The following BNC2 variants were observed in gnomAD, a reference collection of about 807,000 sequenced individuals.
BNC2 encodes the protein basonuclin zinc finger protein 2.
BNC2 carries 20 observed loss-of-function variants against 76.3 expected under a neutral mutation model. The observed-to-expected ratio is 0.26, with a 90% CI of 0.18 to 0.38. BNC2 has a LOEUF of 0.38. Among genes scored for constraint, BNC2 ranks in the 10% least tolerant of loss-of-function variants. The pLI, the probability that BNC2 is intolerant of heterozygous loss-of-function variation, is 1.00. For synonymous variants in BNC2, 582 were observed against 514.8 expected, an observed-to-expected ratio of 1.13 and a Z score of -1.77; for missense variants, 1,382 against 1,399.8, an observed-to-expected ratio of 0.99 and a Z score of 0.20.
At chr9:16,515,817 GAT>G (rs138825005) in intron 5 of BNC2, among the ~76,000 whole-genome samples, 25 of 144,290 alleles carry the variant, frequency 1.7e-4, no homozygotes, top group African/African-American at 5.4e-4. Flanking sequence ...CTAAAAAAAA[GAT>G]ATATATATAT....
chr9:16,593,467 G>A (rs1302384217), intron 3 of BNC2, among the ~76,000 whole-genome samples: 1 of 152,034 alleles, frequency 6.6e-6, no homozygotes, highest in Non-Finnish European at 1.5e-5. Context: ...GCGGGATATA[G>A]CCAATTATAT....
At chr9:16,514,767 G>A (rs962148574) in intron 5 of BNC2, among the ~76,000 whole-genome samples, 2 of 152,086 alleles carry the variant, frequency 1.3e-5, no homozygotes, top group Non-Finnish European at 2.9e-5. Context: ...TCCACGTCTC[G>A]ATGATGACAG....
chr9:16,710,522 A>G (rs911300457), intron 3 of BNC2, among the ~76,000 whole-genome samples: 6 of 152,184 alleles, frequency 3.9e-5, no homozygotes, highest in African/African-American at 7.2e-5. Flanking sequence ...CCCTTTTCAT[A>G]AAATCTTAGG....
chr9:16,651,583 G>A (rs533969570), intron 3 of BNC2, among the ~76,000 whole-genome samples: 3 of 152,178 alleles, frequency 2.0e-5, no homozygotes, highest in East Asian at 1.9e-4. Flanking sequence ...TGTTCCTCAC[G>A]TTAAATTACT....
intron 6 of BNC2, among the ~76,000 whole-genome samples, chr9:16,421,502 G>GGACTTA: frequency 6.6e-6 from 1 of 152,304 alleles, no homozygotes; most frequent in East Asian, 1.9e-4. Context: ...TTTCAGATCA[G>GGACTTA]CTGTATAATC....
At chr9:16,662,184 C>G (rs762162981) in intron 3 of BNC2, among the ~76,000 whole-genome samples, 2 of 152,148 alleles carry the variant, frequency 1.3e-5, no homozygotes, top group East Asian at 1.9e-4. Flanking sequence ...TTTGTGTACT[C>G]AGAATAGATA....
At chr9:16,795,516 A>C (rs1408776668) in intron 1 of BNC2, among the ~76,000 whole-genome samples, 2 of 152,072 alleles carry the variant, frequency 1.3e-5, no homozygotes, top group Non-Finnish European at 2.9e-5. Flanking sequence ...ACGGCCATGC[A>C]ATTATAAACC....
In BNC2 at chr9:16,676,030, G is replaced by A. The variant is rs899613431; in HGVS notation, c.330+51767C>T. Among the ~76,000 whole-genome samples, 22 of 152,138 alleles carry A rather than the reference G, an allele frequency of 1.4e-4. No individual in the cohort carries two copies. In the East Asian group the frequency reaches 2.3e-3, roughly 16 times the overall value. On this transcript the variant is annotated intron_variant, in intron 3 of 6. Transcript: ENST00000380672. ...CAGTGAGCCAAGATTTCACCACTGC[G>A]CTCCAGCCTGGGTGACAAAGCGAGA...
chr9:16,572,056 C>T (rs1311636828), intron 4 of BNC2, among the ~76,000 whole-genome samples: 1 of 151,920 alleles, frequency 6.6e-6, no homozygotes, highest in Middle Eastern at 3.2e-3. Flanking sequence ...TAGTGGAAAA[C>T]ACGATTAGCC....
intron 1 of BNC2, among the ~76,000 whole-genome samples, chr9:16,833,629 T>G (rs1311499108): frequency 6.6e-6 from 1 of 152,176 alleles, no homozygotes; most frequent in East Asian, 1.9e-4. Flanking sequence ...ATGCTGGGAA[T>G]TGCTGGTTAT....
At chr9:16,861,963 T>C (rs570218562) in intron 1 of BNC2, among the ~76,000 whole-genome samples, 55 of 150,556 alleles carry the variant, frequency 3.7e-4, no homozygotes, top group African/African-American at 1.2e-3. Flanking sequence ...GACTCCAGCC[T>C]GGGCGACAGA....
intron 3 of BNC2, among the ~76,000 whole-genome samples, chr9:16,626,796 A>C (rs1328042315): frequency 6.6e-6 from 1 of 152,118 alleles, no homozygotes; most frequent in Non-Finnish European, 1.5e-5. Context: ...CAGGGTATTG[A>C]AGTATGCAGT....
intron 5 of BNC2, among the ~76,000 whole-genome samples, chr9:16,540,047 T>G (rs1161172084): frequency 2.6e-5 from 4 of 152,030 alleles, no homozygotes; most frequent in Non-Finnish European, 5.9e-5. Context: ...CTCCCAAAGT[T>G]TTAACCAGAT....
chr9:16,656,446 G>T (rs1026778605), intron 3 of BNC2, among the ~76,000 whole-genome samples: 1 of 152,130 alleles, frequency 6.6e-6, no homozygotes, highest in South Asian at 2.1e-4. Flanking sequence ...ACAGCCTCAA[G>T]AATGTTGAAA....
At chr9:16,552,509 G>C (rs748923401) in intron 5 of BNC2, 21 bp downstream of exon 5, 127 of 1,608,292 alleles carry the variant, frequency 7.9e-5, no homozygotes, top group Non-Finnish European at 1.1e-4. Flanking sequence ...GACACGGGCG[G>C]CGTTCAAGTC....
chr9:16,783,472 T>C (rs1195276182), intron 1 of BNC2, among the ~76,000 whole-genome samples: 2 of 152,232 alleles, frequency 1.3e-5, no homozygotes, highest in African/African-American at 4.8e-5. Context: ...GCTTATGTTA[T>C]AGCTACGCTT....
chr9:16,775,866 G>A (rs543752698), intron 1 of BNC2: 2 of 153,178 alleles, frequency 1.3e-5, no homozygotes, highest in East Asian at 1.9e-4. Flanking sequence ...TGTAGTCCTT[G>A]CAACACGAAG....
chr9:16,493,820 T>C (rs1822328182), intron 5 of BNC2, among the ~76,000 whole-genome samples: 3 of 152,082 alleles, frequency 2.0e-5, no homozygotes, highest in Non-Finnish European at 4.4e-5. Flanking sequence ...AGATGAACCA[T>C]CTAAATAGAT....
At chr9:16,839,534 T>C (rs1192971250) in intron 1 of BNC2, among the ~76,000 whole-genome samples, 1 of 152,218 alleles carries the variant, frequency 6.6e-6, no homozygotes, top group Non-Finnish European at 1.5e-5. Flanking sequence ...GGACCTACTA[T>C]GTTTGACTCA....
Sources: gnomAD v4.1 joint callset for allele counts (sites outside exome capture counted in the v4.1 genomes callset) on GRCh38, gnomAD v4.1.1 for gene constraint, MANE v1.5 for transcripts, NCBI Gene and HGNC (gene_info 2026-07-23, HGNC 2026-07-21) for gene names.